Variants in PLEC observed in about 807,000 individuals in gnomAD.
The protein encoded by PLEC is plectin.
PLEC carries 216 observed loss-of-function variants against 392.8 expected under a neutral mutation model. That is an observed-to-expected ratio of 0.55 (90% CI 0.49 to 0.62). The LOEUF is 0.62. Ranked by LOEUF, PLEC falls within the 20% of genes least tolerant of loss-of-function variation. The probability of loss-of-function intolerance (pLI) is 0.00; values close to 1 mark genes in which losing one functional copy is unlikely to be tolerated. For synonymous variants in PLEC, 3,621 were observed against 2,980.6 expected (o/e 1.21, Z -7.00); for missense variants, 6,863 against 6,563.4 (o/e 1.05, Z -1.58).
intron 1 of PLEC, chr8:143,946,428 C>T (rs782369891): frequency 7.8e-7 from 1 of 1,284,714 alleles, no homozygotes; most frequent in South Asian, 1.2e-5. Flanking sequence ...CGAGAGCCGG[C>T]AGGGAGGAAG....
chr8:143,942,302 C>G, upstream of PLEC: 1 of 1,510,480 alleles, frequency 6.6e-7, no homozygotes, highest in Non-Finnish European at 9.0e-7. Context: ...CCATCCCAGC[C>G]CAGGCGGCGG....
Position 143,923,986 on chromosome 8 carries a change from C to G in PLEC, c.5943G>C (p.Arg1981=). ...RQRQLAAEEE[R]RRREAEERVQ... is the part of the protein sequence containing the mutation. ...CGCGCTCCTCAGCCTCACGGCGCCG[C>G]CGCTCCTCCTCCGCCGCCAGCTGCC... Residue 1981 remains arginine (R), a synonymous_variant, in exon 31 of 32, where the codon CGG becomes CGC. Transcript: ENST00000345136. 6.3e-7 allele frequency: 1 copy of G among 1,585,704 alleles called. No individual in the cohort carries two copies. The highest frequency in any genetic ancestry group is 8.5e-7 in the Non-Finnish European group (1 of 1,171,916).
At position 143,921,053 on chromosome 8, in the gene PLEC, G is replaced by A. The variant is rs1822478973; in HGVS notation, c.8768C>T (p.Thr2923Ile). Residue 2923 changes from threonine (T) to isoleucine (I), a missense_variant, in exon 32 of 32, where the codon ACC becomes ATC. Thr to Ile is a moderately conservative substitution (Grantham distance 89). Transcript: ENST00000345136. ...PFGKFQGKTV[T>I]IWEIINSEYF... ...TTCCGAGTTGATGATCTCCCAAATG[G>A]TCACCGTCTTGCCCTGGAACTTGCC... 3.7e-6 allele frequency: 6 copies of A among 1,612,274 alleles called. No individual in the cohort carries two copies. The highest frequency in any genetic ancestry group is 5.1e-6 in the Non-Finnish European group (6 of 1,180,032).
At chr8:143,955,786 G>C (rs782156582), upstream of PLEC, among the ~76,000 whole-genome samples, 1 of 151,834 alleles carries the variant, frequency 6.6e-6, no homozygotes. Context: ...TTTTTATACA[G>C]ACAGTCTGTC....
rs1041694766 is a variant in PLEC, at chr8:143,921,656, C to T, written c.8165G>A (p.Ser2722Asn). 4 of 1,613,102 alleles carry T rather than the reference C, an allele frequency of 2.5e-6. No homozygotes were observed. Among genetic ancestry groups the T allele is most frequent in the South Asian group, 1.1e-5 (1 of 91,088 alleles). ...VYAALQRQLL[S>N]PGTALILLEA... ...CAGCAGGATGAGGGCCGTGCCGGGA[C>T]TCAGCAGCTGCCTCTGCAGGGCGGC... The change falls in exon 32 of 32, where the codon AGT (serine) becomes AAT (asparagine). Residue 2722 changes from serine to asparagine, a missense_variant. Physicochemically the swap from Ser to Asn is conservative, Grantham distance 46. Transcript: ENST00000345136.
At position 143,917,316 on chromosome 8, in the gene PLEC, G is replaced by A. The variant is rs1554671759; in HGVS notation, c.12505C>T (p.Leu4169=). Residue 4169 remains leucine, a synonymous_variant, in exon 32 of 32, where the codon CTG becomes TTG. Coordinates refer to ENST00000345136, the MANE Select transcript of PLEC (RefSeq NM_201384.3). ...TCGCACTCCTGCTCGGACAGCTCCA[G>A]GTACGTCTGGTGGTCAATCAGGCCC... ...RKGLIDHQTY[L]ELSEQECEWE... is the part of the protein sequence containing the mutation. 6 of 1,609,644 alleles carry A rather than the reference G, an allele frequency of 3.7e-6. No individual in the cohort carries two copies. Among genetic ancestry groups the A allele is most frequent in the Non-Finnish European group, 5.1e-6 (6 of 1,179,508 alleles).
chr8:143,922,598 T>A lies in PLEC; in HGVS notation c.7331A>T (p.Asp2444Val), dbSNP rs782812019. The change falls in exon 31 of 32, where the codon GAT (aspartate) becomes GTT (valine). Residue 2444 changes from aspartate (D) to valine (V), a missense_variant. Asp to Val is a radical substitution (Grantham distance 152). Transcript: ENST00000345136. ...LEIQRQQSDH[D>V]AERLREAIAE... ...GATGGCCTCCCGCAGGCGCTCGGCATCATGGTCACTCTGCTGTCGCTGGAT... is the reference window on the plus strand; with the variant it reads ...GATGGCCTCCCGCAGGCGCTCGGCAACATGGTCACTCTGCTGTCGCTGGAT... The A allele has an allele frequency of 1.2e-5, 19 of 1,613,562 alleles. No homozygotes were observed. In the South Asian group the frequency reaches 1.8e-4, roughly 15 times the overall value.
rs1441006146 is a variant in PLEC at position 143,919,991 on chromosome 8, C to G, written c.9830G>C (p.Gly3277Ala). ...GATGACCTTCTCCACGGTGACCTTG[C>G]CCGTGCGGAACTGACGCAACAGCTC... ...RQELLRQFRT[G>A]KVTVEKVIKI... The change falls in exon 32 of 32, where the codon GGC becomes GCC. Residue 3277 changes from glycine to alanine, a missense_variant. By Grantham distance (60) the Gly-to-Ala change is moderately conservative. Coordinates refer to ENST00000345136, the MANE Select transcript of PLEC (RefSeq NM_201384.3). 1.9e-6 allele frequency: 3 copies of G among 1,613,344 alleles called. No individual in the cohort carries two copies. The highest frequency in any genetic ancestry group is 2.2e-5 in the South Asian group (2 of 91,084).
In PLEC at chr8:143,932,913, C is replaced by T. The variant is rs781792917; in HGVS notation, c.1617G>A (p.Val539=). 1.9e-6 allele frequency: 3 copies of T among 1,612,654 alleles called. No homozygotes were observed. Among genetic ancestry groups the T allele is most frequent in the Non-Finnish European group, 2.5e-6 (3 of 1,179,922 alleles). ...GGTCCACACCCCACTCAGCGCCATC[C>T]ACACGGTGCTGGTTCTCCTCCACCC... ...LAWVEENQHR[V]DGAEWGVDLP... The change falls in exon 14 of 32, where the codon GTG becomes GTA. Residue 539 remains valine, a synonymous_variant. Coordinates refer to ENST00000345136, the MANE Select transcript of PLEC (RefSeq NM_201384.3).
At chr8:143,970,167 G>A (rs1374049178) in intron 1 of PLEC, among the ~76,000 whole-genome samples, 1 of 152,274 alleles carries the variant, frequency 6.6e-6, no homozygotes, top group Non-Finnish European at 1.5e-5. Flanking sequence ...GTTTGCACGG[G>A]TGAGTGGGTG....
Position 143,922,674 on chromosome 8 carries a change from G to A in PLEC, c.7255C>T (p.Arg2419Cys), listed in dbSNP as rs781787465. 23 of 1,613,006 alleles carry A rather than the reference G, an allele frequency of 1.4e-5. No individual in the cohort carries two copies. Among genetic ancestry groups the A allele is most frequent in the South Asian group, 3.3e-5 (3 of 90,936 alleles). The change falls in exon 31 of 32, where the codon CGC becomes TGC. Residue 2419 changes from arginine to cysteine, a missense_variant. Physicochemically the swap from Arg to Cys is radical, Grantham distance 180. Transcript: ENST00000345136. Reference sequence around the variant, plus strand: ...TTCTCCTGGGTGGCGAGCTCCGTGCGGTGCAGCTTCTCACCGATCTCCTCC... The same window carrying A: ...TTCTCCTGGGTGGCGAGCTCCGTGCAGTGCAGCTTCTCACCGATCTCCTCC... Reference protein sequence around the residue: ...QAEEIGEKLHRTELATQEKVT... With the variant: ...QAEEIGEKLHCTELATQEKVT...
rs1212839366 is a variant in PLEC at position 143,969,716 on chromosome 8, G to T, written c.70+3687C>A. ...GGTCAGGGCATGAGTGCAGGCCGGG[G>T]AGTGGGGAGTGGGGCCAGCCGGGGG... On this transcript the variant is annotated intron_variant, in intron 1 of 31. Transcript: ENST00000356346. This position sits in a 1 kb window ranked among gnomAD's most constrained non-coding sequence, Gnocchi z 5.1. Among the ~76,000 whole-genome samples, 1 of 152,200 alleles carries T rather than the reference G, an allele frequency of 6.6e-6. No individual in the cohort carries two copies. Among genetic ancestry groups the T allele is most frequent in the African/African-American group, 2.4e-5 (1 of 41,454 alleles).
chr8:143,952,131 T>C (rs1250110981), upstream of PLEC, among the ~76,000 whole-genome samples: 7 of 151,768 alleles, frequency 4.6e-5, no homozygotes, highest in African/African-American at 1.2e-4. Context: ...AAGCAGCTTG[T>C]GGGGGCGGGT....
rs782296733 is a variant in PLEC at position 143,927,779 on chromosome 8, G to A, written c.3400-13C>T. 2 of 1,598,958 alleles carry A rather than the reference G, an allele frequency of 1.3e-6. No homozygotes were observed. Among genetic ancestry groups the A allele is most frequent in the South Asian group, 1.1e-5 (1 of 89,166 alleles). ...GGGCCCGCAGCTTCTGTTGGGGACA[G>A]GAGGGACATGTGCGGCTTCAGCTGG... is the stretch of plus-strand genomic sequence containing the variant. On this transcript the variant is annotated splice_polypyrimidine_tract_variant and intron_variant, in intron 26 of 31. Transcript: ENST00000345136.
intron 5 of PLEC, among the ~76,000 whole-genome samples, chr8:143,936,754 A>T (rs1829154331): frequency 1.3e-5 from 2 of 152,200 alleles, no homozygotes; most frequent in African/African-American, 4.8e-5. Flanking sequence ...CCAGGGCCAG[A>T]GGGCACGGAT....
In PLEC at chr8:143,918,021, A is replaced by G; in HGVS notation, c.11800T>C (p.Cys3934Arg). The G allele has an allele frequency of 6.2e-7, 1 of 1,611,018 alleles. No individual in the cohort carries two copies. Among genetic ancestry groups the G allele is most frequent in the Non-Finnish European group, 8.5e-7 (1 of 1,179,516 alleles). ...NLQKFLEGTSCIAGVFVDATK... is the reference protein window; with the variant it reads ...NLQKFLEGTSRIAGVFVDATK... ...GCGTCCACGAAGACACCAGCGATGC[A>G]GCTGGTGCCTTCCAGGAACTTCTGC... Residue 3934 changes from cysteine to arginine, a missense_variant, in exon 32 of 32, where the codon TGC becomes CGC. By Grantham distance (180) the Cys-to-Arg change is radical. Coordinates refer to ENST00000345136, the MANE Select transcript of PLEC (RefSeq NM_201384.3).
At chr8:143,975,088 C>G, upstream of PLEC, 1 of 1,431,826 alleles carries the variant, frequency 7.0e-7, no homozygotes, top group Non-Finnish European at 9.7e-7. The surrounding 1 kb of genome is among the most constrained non-coding windows in gnomAD (Gnocchi z 9.9). Flanking sequence ...CTCCCCCACC[C>G]AGTCCCCGCT....
At chr8:143,960,284 A>G (rs1832810146) in intron 1 of PLEC, among the ~76,000 whole-genome samples, 1 of 148,084 alleles carries the variant, frequency 6.8e-6, no homozygotes, top group African/African-American at 2.5e-5. Flanking sequence ...CTCCGTCTCA[A>G]ATAATAATAA....
At chr8:143,925,985 G>A (rs944815726) in intron 30 of PLEC, 101 bp from the exon 31 acceptor site, 3 of 1,311,958 alleles carry the variant, frequency 2.3e-6, no homozygotes, top group Non-Finnish European at 3.2e-6. Flanking sequence ...ACAGCGCGGA[G>A]CAGGGGTCGG....
Sources: gnomAD v4.1 joint callset for allele counts (sites outside exome capture counted in the v4.1 genomes callset) on GRCh38, gnomAD v4.1.1 for gene constraint, Gnocchi (gnomAD v3.1) non-coding constraint, MANE v1.5 for transcripts, NCBI Gene and HGNC (gene_info 2026-07-23, HGNC 2026-07-21) for gene names.